The following DHX36 variants were observed in gnomAD, a reference collection of about 807,000 sequenced individuals.
DHX36 encodes ATP-dependent DNA/RNA helicase DHX36.
Under a neutral mutation model 139.0 loss-of-function variants are expected in DHX36, and 50 were observed. That is an observed-to-expected ratio of 0.36 (90% CI 0.29 to 0.46). DHX36 has a LOEUF of 0.46. Ranked by LOEUF, DHX36 falls within the 20% of genes least tolerant of loss-of-function variation. The pLI is 1.00. For missense variants in DHX36, 1,024 were observed against 1,211.3 expected, an observed-to-expected ratio of 0.85 and a Z score of 2.29; for synonymous variants, 425 against 401.9, an observed-to-expected ratio of 1.06 and a Z score of -0.69.
At chr3:154,315,848 T>C (rs922880796) in intron 2 of DHX36, among the ~76,000 whole-genome samples, 191 bp downstream of exon 2, 1 of 152,124 alleles carries the variant, frequency 6.6e-6, no homozygotes. Context: ...CTATTATTCA[T>C]ACCATTTAGC....
chr3:154,276,929 A>G, intron 23 of DHX36, 30 bp from the exon 24 acceptor site: 1 of 1,577,376 alleles, frequency 6.3e-7, no homozygotes, highest in Non-Finnish European at 8.6e-7. Context: ...GAATTAATAC[A>G]TTCAGGAGTC....
chr3:154,295,151 A>G (rs536406655), intron 13 of DHX36, 133 bp downstream of exon 13: 1 of 547,512 alleles, frequency 1.8e-6, no homozygotes, highest in East Asian at 3.8e-5. Flanking sequence ...AAGGTTCTCA[A>G]AGAAGTATTT....
intron 19 of DHX36, 29 bp downstream of exon 19, chr3:154,284,554 T>C (rs1375037648): frequency 6.6e-7 from 1 of 1,524,812 alleles, no homozygotes; most frequent in African/African-American, 1.4e-5. Flanking sequence ...TAAACTATCA[T>C]AATCCAGGAC....
Position 154,301,125 on chromosome 3 carries a change from T to C in DHX36, c.1220A>G (p.Tyr407Cys), listed in dbSNP as rs759492179. ...LLEDVIEKIR[Y>C]VPEQKEHRSQ... ...TCTGTGTTCTTTTTGTTCTGGAACA[T>C]ACCTAAAATAAAAACATTCTTGAAT... The change falls in exon 10 of 25, where the codon TAT (tyrosine) becomes TGT (cysteine). Residue 407 changes from tyrosine to cysteine, a missense_variant and splice_region_variant. This residue lies in a region of DHX36 where 115 missense variants were observed against 105.6 expected (regional missense o/e 1.09). Transcript: ENST00000496811. 2 of 1,577,482 alleles carry C rather than the reference T, an allele frequency of 1.3e-6. No individual in the cohort carries two copies. The highest frequency in any genetic ancestry group is 1.7e-6 in the Non-Finnish European group (2 of 1,170,134).
intron 20 of DHX36, among the ~76,000 whole-genome samples, chr3:154,281,624 T>G (rs1719339771): frequency 6.6e-6 from 1 of 152,124 alleles, no homozygotes; most frequent in Non-Finnish European, 1.5e-5. Context: ...TCTTGTATTT[T>G]CATAACAGAA....
In DHX36 at chr3:154,275,421, G is replaced by A. The variant is rs1719116403; in HGVS notation, c.*750C>T. The stretch of plus-strand genomic sequence containing the variant: ...TCCACAGTTGTTTGAATCCACAGAT[G>A]TGGAATGCATGGATATGAAGGGCCA... On this transcript the variant is annotated 3_prime_UTR_variant, in exon 25 of 25. Coordinates refer to ENST00000496811, the MANE Select transcript of DHX36 (RefSeq NM_020865.3). The A allele has an allele frequency of 6.6e-6, 1 of 151,578 alleles. No individual in the cohort carries two copies. Among genetic ancestry groups the A allele is most frequent in the Non-Finnish European group, 1.5e-5 (1 of 67,984 alleles). 9.4% of individuals were successfully genotyped at this position (151,578 alleles called of 1,614,324 possible). A position where few individuals can be genotyped will look rare whatever the true frequency, so the allele number is the denominator to read the frequency against.
At chr3:154,296,730 A>G (rs1712061794) in intron 12 of DHX36, among the ~76,000 whole-genome samples, 1 of 152,188 alleles carries the variant, frequency 6.6e-6, no homozygotes, top group Non-Finnish European at 1.5e-5. Flanking sequence ...TGCCCAAATG[A>G]TTCAAGTCAG....
At chr3:154,299,559 T>C (rs1380085224) in intron 12 of DHX36, among the ~76,000 whole-genome samples, 1 of 152,170 alleles carries the variant, frequency 6.6e-6, no homozygotes, top group Admixed American at 6.5e-5. Flanking sequence ...GACTCTGTTG[T>C]ATACTCAGAA....
At chr3:154,293,387 C>T (rs1056264072) in intron 14 of DHX36, among the ~76,000 whole-genome samples, 1 of 152,084 alleles carries the variant, frequency 6.6e-6, no homozygotes, top group Non-Finnish European at 1.5e-5. Flanking sequence ...TAGAGATCAG[C>T]CTGGGCAACA....
At chr3:154,307,162 G>GA (rs1712536554) in intron 5 of DHX36, among the ~76,000 whole-genome samples, 1 of 152,000 alleles carries the variant, frequency 6.6e-6, no homozygotes, top group Non-Finnish European at 1.5e-5. Context: ...ACCTGAAACT[G>GA]AAACTACTAG....
chr3:154,291,038 G>C (rs889371198), intron 15 of DHX36, among the ~76,000 whole-genome samples: 1 of 148,060 alleles, frequency 6.8e-6, no homozygotes, highest in African/African-American at 2.5e-5. Context: ...GGGAGGCTGA[G>C]GCAGGAGAAT....
At chr3:154,294,276 T>C (rs1711941276) in intron 13 of DHX36, among the ~76,000 whole-genome samples, 1 of 149,428 alleles carries the variant, frequency 6.7e-6, no homozygotes, top group Admixed American at 6.7e-5. Context: ...CAGATTGGAG[T>C]GAAAAAAAAA....
intron 1 of DHX36, 85 bp downstream of exon 1, chr3:154,324,089 A>T (rs1713304575): frequency 2.1e-6 from 3 of 1,436,562 alleles, no homozygotes; most frequent in Admixed American, 2.2e-5. Flanking sequence ...ATCACTTAAG[A>T]AACAAAACCA....
At chr3:154,287,651 A>G (rs1711593333) in intron 17 of DHX36, among the ~76,000 whole-genome samples, 1 of 151,792 alleles carries the variant, frequency 6.6e-6, no homozygotes, top group South Asian at 2.1e-4. Context: ...ACAGAGTGAG[A>G]CTCTCTCCAA....
chr3:154,287,570 A>G (rs2108339312), intron 17 of DHX36, among the ~76,000 whole-genome samples: 1 of 152,180 alleles, frequency 6.6e-6, no homozygotes, highest in East Asian at 1.9e-4. Context: ...GAATCGCTTG[A>G]ATCTGGGAGG....
intron 9 of DHX36, among the ~76,000 whole-genome samples, chr3:154,303,031 A>C (rs1042242298): frequency 6.6e-6 from 1 of 152,268 alleles, no homozygotes; most frequent in Admixed American, 6.5e-5. Flanking sequence ...GAGCGGAGAT[A>C]GCTCCACTGC....
At chr3:154,324,075 G>A (rs1713303755) in intron 1 of DHX36, 99 bp downstream of exon 1, 2 of 1,305,742 alleles carry the variant, frequency 1.5e-6, no homozygotes, top group Non-Finnish European at 2.1e-6. Context: ...CACAAAACAC[G>A]TGCATCACTT....
intron 5 of DHX36, among the ~76,000 whole-genome samples, chr3:154,308,629 G>T (rs1219183148): frequency 6.6e-6 from 1 of 152,084 alleles, no homozygotes; most frequent in Non-Finnish European, 1.5e-5. Context: ...TTCTATTTTG[G>T]AATATTTGCA....
At chr3:154,281,181 G>A (rs925035356) in intron 20 of DHX36, among the ~76,000 whole-genome samples, 7 of 151,986 alleles carry the variant, frequency 4.6e-5, no homozygotes, top group Non-Finnish European at 7.4e-5. Flanking sequence ...TTTGCATGTT[G>A]TAAGGAATAG....
Sources: allele counts gnomAD v4.1 joint callset (sites outside exome capture counted in the v4.1 genomes callset), GRCh38; gene constraint gnomAD v4.1.1; regional missense constraint gnomAD v4.1.1; transcripts MANE v1.5; gene names NCBI Gene and HGNC (gene_info 2026-07-23, HGNC 2026-07-21).